The following ZNF521 variants were observed in gnomAD, a reference collection of about 807,000 sequenced individuals.
ZNF521 encodes zinc finger protein 521.
ZNF521 carries 14 observed loss-of-function variants against 105.5 expected under a neutral mutation model. The ratio of observed to expected loss-of-function variants is 0.13; its 90% CI spans 0.09 to 0.21. The LOEUF is 0.21. Ranked by LOEUF, ZNF521 falls within the 10% of genes least tolerant of loss-of-function variation. The pLI is 1.00. For synonymous variants in ZNF521, 635 were observed against 606.0 expected (o/e 1.05, Z -0.70); for missense variants, 1,233 against 1,629.7 (o/e 0.76, Z 4.19).
In ZNF521 at chr18:25,227,799, T is replaced by C. The variant is rs535987933; in HGVS notation, c.221-102A>G. 7.2e-6 allele frequency: 7 copies of C among 968,896 alleles called. No homozygotes were observed. The highest frequency in any genetic ancestry group is 6.6e-5 in the African/African-American group (4 of 60,928). 60.0% of individuals were successfully genotyped at this position (968,896 alleles called of 1,614,324 possible). Reference sequence around the variant, plus strand: ...GCACGCAGAGTTGGGCCCTCTTGAATCTTTCAAGAAAAAACAAAATGAAAA... The same window carrying C: ...GCACGCAGAGTTGGGCCCTCTTGAACCTTTCAAGAAAAAACAAAATGAAAA... On this transcript the variant is annotated intron_variant, in intron 3 of 7. Coordinates refer to ENST00000361524, the MANE Select transcript of ZNF521 (RefSeq NM_015461.3). The surrounding 1 kb of genome is among the most constrained non-coding windows in gnomAD (Gnocchi z 5.7).
At chr18:25,250,189 A>G (rs1042394982) in intron 3 of ZNF521, among the ~76,000 whole-genome samples, 10 of 152,186 alleles carry the variant, frequency 6.6e-5, no homozygotes, top group Non-Finnish European at 1.5e-4. Flanking sequence ...TCCACCAATG[A>G]AAAATGTAAA....
Position 25,279,506 on chromosome 18 carries a change from T to C in ZNF521, c.220+42502A>G, listed in dbSNP as rs561558485. The stretch of plus-strand genomic sequence containing the variant: ...CGAATGGGCAGCAGAATTTCCTCTT[T>C]GATAACCAGTCAGGGGAAAAACTTG... On this transcript the variant is annotated intron_variant, in intron 3 of 7. Transcript: ENST00000361524. Among the ~76,000 whole-genome samples, 4 of 152,336 alleles carry C rather than the reference T, an allele frequency of 2.6e-5. No homozygotes were observed. In the South Asian group the frequency reaches 6.2e-4, roughly 24 times the overall value.
chr18:25,291,547 A>T (rs747000379), intron 3 of ZNF521, among the ~76,000 whole-genome samples: 1 of 152,166 alleles, frequency 6.6e-6, no homozygotes, highest in Non-Finnish European at 1.5e-5. Flanking sequence ...TAGGAAGCCT[A>T]ATTTCCTCCT....
At chr18:25,114,261 C>T (rs1458212579) in intron 5 of ZNF521, among the ~76,000 whole-genome samples, 4 of 152,264 alleles carry the variant, frequency 2.6e-5, no homozygotes, top group Non-Finnish European at 4.4e-5. Flanking sequence ...CCTTTCATGC[C>T]TGCTTTCCAA....
intron 3 of ZNF521, among the ~76,000 whole-genome samples, chr18:25,274,951 G>A (rs1326376619): frequency 6.6e-6 from 1 of 151,904 alleles, no homozygotes; most frequent in Non-Finnish European, 1.5e-5. Flanking sequence ...GCAGAGTACA[G>A]AGAAAAAAAA....
At chr18:25,331,900 T>A (rs945137531) in intron 2 of ZNF521, among the ~76,000 whole-genome samples, 1 of 150,286 alleles carries the variant, frequency 6.7e-6, no homozygotes, top group African/African-American at 2.4e-5. Flanking sequence ...TTTCTTTTTT[T>A]TTTTTTTTAA....
At chr18:25,085,246 T>C (rs1311643532) in intron 7 of ZNF521, among the ~76,000 whole-genome samples, 1 of 149,624 alleles carries the variant, frequency 6.7e-6, no homozygotes, top group African/African-American at 2.4e-5. Flanking sequence ...TATATAAGTA[T>C]AATATGATAT....
intron 5 of ZNF521, among the ~76,000 whole-genome samples, chr18:25,177,750 A>G (rs1800632715): frequency 6.6e-6 from 1 of 152,238 alleles, no homozygotes; most frequent in African/African-American, 2.4e-5. Flanking sequence ...TTGCAAGAAC[A>G]CTTATAAAAC....
At chr18:25,312,056 G>A (rs1912339059) in intron 3 of ZNF521, among the ~76,000 whole-genome samples, 1 of 152,050 alleles carries the variant, frequency 6.6e-6, no homozygotes, top group Non-Finnish European at 1.5e-5. Flanking sequence ...TTCATAATCA[G>A]TAGCTTTCTT....
Position 25,224,351 on chromosome 18 carries a change from C to A in ZNF521, c.3567G>T (p.Ser1189=), listed in dbSNP as rs151163286. Residue 1189 remains serine, a synonymous_variant, in exon 4 of 8, where the codon TCG becomes TCT. Coordinates refer to ENST00000361524, the MANE Select transcript of ZNF521 (RefSeq NM_015461.3). ...SPMPRISPSQ[S]DEKKTYQCIK... ...ATTAAAAAAGGCGAGTTACCTCATC[C>A]GACTGGGAGGGACTGATTCTGGGCA... The A allele has an allele frequency of 1.4e-5, 22 of 1,603,150 alleles. No homozygotes were observed. The highest frequency in any genetic ancestry group is 1.8e-5 in the Non-Finnish European group (21 of 1,172,922).
intron 3 of ZNF521, among the ~76,000 whole-genome samples, chr18:25,232,444 A>G (rs535152494): frequency 2.6e-5 from 4 of 152,340 alleles, no homozygotes; most frequent in African/African-American, 9.6e-5. Flanking sequence ...GCATAAACAT[A>G]TTTTAATATT....
chr18:25,133,811 T>G (rs1336805142), intron 5 of ZNF521, among the ~76,000 whole-genome samples: 1 of 152,146 alleles, frequency 6.6e-6, no homozygotes, highest in East Asian at 1.9e-4. Context: ...TTTTTTTTAA[T>G]GTTTTAGTTA....
chr18:25,131,460 G>A (rs1327367621), intron 5 of ZNF521, among the ~76,000 whole-genome samples: 1 of 152,080 alleles, frequency 6.6e-6, no homozygotes, highest in Admixed American at 6.6e-5. Flanking sequence ...TCTTCCTAAC[G>A]AAGTGTCCCC....
intron 6 of ZNF521, among the ~76,000 whole-genome samples, chr18:25,091,684 T>G (rs1003948305): frequency 6.6e-6 from 1 of 152,094 alleles, no homozygotes; most frequent in African/African-American, 2.4e-5. Flanking sequence ...ACAACATGTA[T>G]GTAGTTTTCC....
In ZNF521 at chr18:25,225,474, C is replaced by T; in HGVS notation, c.2444G>A (p.Ser815Asn). The T allele has an allele frequency of 6.2e-7, 1 of 1,614,216 alleles. No individual in the cohort carries two copies. Among genetic ancestry groups the T allele is most frequent in the Non-Finnish European group, 8.5e-7 (1 of 1,180,026 alleles). The change falls in exon 4 of 8, where the codon AGC (serine) becomes AAC (asparagine). Residue 815 changes from serine (S) to asparagine (N), a missense_variant. Coordinates refer to ENST00000361524, the MANE Select transcript of ZNF521 (RefSeq NM_015461.3). This position sits in a 1 kb window ranked among gnomAD's most constrained non-coding sequence, Gnocchi z 5.6. ...CAAAATGATCGCATGGAAGGCTTTGCTACAGAACTTGCAGTTGTACTTCTT... is the reference window on the plus strand; with the variant it reads ...CAAAATGATCGCATGGAAGGCTTTGTTACAGAACTTGCAGTTGTACTTCTT... ...HSKKYNCKFCSKAFHAIILLE... is the reference protein window; with the variant it reads ...HSKKYNCKFCNKAFHAIILLE...
chr18:25,207,611 C>T (rs1386159428), intron 4 of ZNF521, among the ~76,000 whole-genome samples: 1 of 152,170 alleles, frequency 6.6e-6, no homozygotes, highest in Non-Finnish European at 1.5e-5. Context: ...TGACAGAGAG[C>T]ATTTGTGAAA....
intron 3 of ZNF521, among the ~76,000 whole-genome samples, chr18:25,244,704 C>T (rs1439335514): frequency 6.6e-6 from 1 of 152,164 alleles, no homozygotes; most frequent in Non-Finnish European, 1.5e-5. Flanking sequence ...AAAGGCAATC[C>T]CCTCTAAGAG....
At chr18:25,082,155 A>C (rs77631205) in intron 7 of ZNF521, among the ~76,000 whole-genome samples, 1 of 152,188 alleles carries the variant, frequency 6.6e-6, no homozygotes, top group Non-Finnish European at 1.5e-5. Flanking sequence ...AGGCCCACAA[A>C]GCAAAGAAAT....
intron 3 of ZNF521, among the ~76,000 whole-genome samples, chr18:25,288,475 C>T (rs899704226): frequency 6.6e-6 from 1 of 151,750 alleles, no homozygotes; most frequent in Admixed American, 6.6e-5. Flanking sequence ...ATTCGCTTTC[C>T]AGATCCGTGG....
Sources: allele counts gnomAD v4.1 joint callset (sites outside exome capture counted in the v4.1 genomes callset), GRCh38; gene constraint gnomAD v4.1.1; non-coding constraint Gnocchi (gnomAD v3.1); transcripts MANE v1.5; gene names NCBI Gene and HGNC (gene_info 2026-07-23, HGNC 2026-07-21).